SOX13: variants seen among roughly 807,000 people sequenced by gnomAD.
SOX13 encodes the protein transcription factor SOX-13.
In SOX13, 28 loss-of-function variants were observed where a neutral mutation model predicts 71.8. That is an observed-to-expected ratio of 0.39 (90% CI 0.29 to 0.53). SOX13 has a LOEUF of 0.53. Among genes scored for constraint, SOX13 ranks in the 20% least tolerant of loss-of-function variants. SOX13 has a pLI of 0.70. For synonymous variants in SOX13, 309 were observed against 317.8 expected (o/e 0.97, Z 0.29); for missense variants, 627 against 810.3 (o/e 0.77, Z 2.75).
At chr1:204,106,717 CT>C (rs1318926387) in intron 1 of SOX13, among the ~76,000 whole-genome samples, 6 of 152,110 alleles carry the variant, frequency 3.9e-5, no homozygotes, top group African/African-American at 1.4e-4. Context: ...GTTGGTCAAG[CT>C]GGTCTCAAAC....
At chr1:204,079,167 G>A (rs1022831709) in intron 1 of SOX13, among the ~76,000 whole-genome samples, 6 of 151,882 alleles carry the variant, frequency 4.0e-5, no homozygotes, top group Non-Finnish European at 5.9e-5. Context: ...GCGTGGAGGC[G>A]TGTGCCTGTA....
intron 7 of SOX13, among the ~76,000 whole-genome samples, chr1:204,120,118 C>A (rs10900549): frequency 0.89 from 135,048 of 152,228 alleles, 61,306 homozygotes; most frequent in East Asian, 1. Context: ...AGAACTGAGG[C>A]ATGAATTTCT....
chr1:204,115,970 T>C (rs1356989662), intron 4 of SOX13: 1 of 272,210 alleles, frequency 3.7e-6, no homozygotes, highest in African/African-American at 2.2e-5. Context: ...CTGGCCTCTA[T>C]TAGCTCATTT....
rs1005644325 is a variant in SOX13, at chr1:204,073,682, C to G, written c.-31C>G. The G allele has an allele frequency of 6.6e-6, 1 of 152,264 alleles. No homozygotes were observed. The highest frequency in any genetic ancestry group is 1.5e-5 in the Non-Finnish European group (1 of 68,152). The allele number at this position is 152,264 out of a possible 1,614,324, so 9.4% of individuals were successfully genotyped here. ...AGCAGGAGCGCGGAGCCGCGAGCCC[C>G]GAGCCCCGAGCCCGGCGCCTGGCTG... On this transcript the variant is annotated 5_prime_UTR_variant, in exon 1 of 14. Transcript: ENST00000367204. The surrounding 1 kb of genome is among the most constrained non-coding windows in gnomAD (Gnocchi z 6.8).
chr1:204,088,014 C>G (rs17404350), intron 1 of SOX13, among the ~76,000 whole-genome samples: 11,005 of 152,294 alleles, frequency 0.072, 440 homozygotes, highest in Middle Eastern at 0.099. Flanking sequence ...ACACTGGGAT[C>G]TTGCTTTAGA....
chr1:204,099,459 T>A (rs1000243673), intron 1 of SOX13, among the ~76,000 whole-genome samples: 12 of 142,006 alleles, frequency 8.5e-5, no homozygotes, highest in African/African-American at 3.2e-4. Context: ...AGACAGGGTC[T>A]CTGTAGCTCA....
intron 1 of SOX13, among the ~76,000 whole-genome samples, chr1:204,087,337 T>C (rs572512218): frequency 6.6e-6 from 1 of 152,302 alleles, no homozygotes; most frequent in East Asian, 1.9e-4. Flanking sequence ...AGGGGTCAGG[T>C]GCCTGCCTTC....
At position 204,081,980 on chromosome 1, in the gene SOX13, A is replaced by AT. The variant is rs1488695023; in HGVS notation, c.-2+8270dup. 6.6e-6 allele frequency among the ~76,000 whole-genome samples: 1 copy of AT among 151,646 alleles called. No individual in the cohort carries two copies. The highest frequency in any genetic ancestry group is 2.4e-5 in the African/African-American group (1 of 41,282). On this transcript the variant is annotated intron_variant, in intron 1 of 13. Coordinates refer to ENST00000367204, the MANE Select transcript of SOX13 (RefSeq NM_005686.3). This position sits in a 1 kb window ranked among gnomAD's most constrained non-coding sequence, Gnocchi z 4.3. ...GTGGGGTGAGGGCAGTGGGGCTTGA[A>AT]TAGGGCGCTGTCGAAAGCAGAGGGA...
At chr1:204,097,373 TA>T (rs1397028975) in intron 1 of SOX13, among the ~76,000 whole-genome samples, 1 of 152,142 alleles carries the variant, frequency 6.6e-6, no homozygotes, top group Non-Finnish European at 1.5e-5. Context: ...TGTGTACTAT[TA>T]AGTGGGAGAA....
At chr1:204,083,447 T>A (rs1655950862) in intron 1 of SOX13, among the ~76,000 whole-genome samples, 2 of 152,156 alleles carry the variant, frequency 1.3e-5, no homozygotes. Flanking sequence ...CTTCTTTATA[T>A]CCCTGCCTTC....
chr1:204,113,562 C>A (rs1315748510), intron 2 of SOX13, among the ~76,000 whole-genome samples: 1 of 152,094 alleles, frequency 6.6e-6, no homozygotes, highest in Non-Finnish European at 1.5e-5. Context: ...CTTAAAAAAA[C>A]AAGAGAATTG....
At chr1:204,124,994 A>T (rs994669420) in intron 13 of SOX13, 137 bp downstream of exon 13, 2 of 674,648 alleles carry the variant, frequency 3.0e-6, no homozygotes, top group African/African-American at 1.8e-5. Flanking sequence ...TGTGTGTGTT[A>T]TCTGTGTATA....
chr1:204,116,781 G>T (rs1315161313), intron 5 of SOX13, 102 bp downstream of exon 5: 17 of 1,537,926 alleles, frequency 1.1e-5, no homozygotes, highest in Non-Finnish European at 1.2e-5. Flanking sequence ...TGCAAGCTGG[G>T]GCCTGGGGGC....
At position 204,123,767 on chromosome 1, in the gene SOX13, C is replaced by T. The variant is rs1341673402; in HGVS notation, c.1338C>T (p.Phe446=). 1 of 1,614,198 alleles carries T rather than the reference C, an allele frequency of 6.2e-7. No individual in the cohort carries two copies. Among genetic ancestry groups the T allele is most frequent in the South Asian group, 1.1e-5 (1 of 91,082 alleles). The change falls in exon 12 of 14, where the codon TTC becomes TTT. Residue 446 remains phenylalanine (F), a synonymous_variant. Coordinates refer to ENST00000367204, the MANE Select transcript of SOX13 (RefSeq NM_005686.3). The surrounding 1 kb of genome is among the most constrained non-coding windows in gnomAD (Gnocchi z 5.0). ...KDERRKILQA[F]PDMHNSSISK... is the part of the protein sequence containing the mutation. ...AGCGGAGGAAGATCCTGCAAGCCTT[C>T]CCAGACATGCACAACTCCAGCATCA...
intron 1 of SOX13, among the ~76,000 whole-genome samples, chr1:204,112,560 G>T (rs1390359389): frequency 6.7e-6 from 1 of 149,754 alleles, no homozygotes; most frequent in Non-Finnish European, 1.5e-5. Context: ...CTCCAACTCT[G>T]TTGGGCTCAG....
rs201977199 is a variant in SOX13 at position 204,123,643 on chromosome 1, T to G, written c.1232-18T>G. ...ACCCCAGACAGGCTGCTTGGCTGAC[T>G]TCACTCCTGTCTCCCAGGCTCCCGC... On this transcript the variant is annotated intron_variant, in intron 11 of 13. Coordinates refer to ENST00000367204, the MANE Select transcript of SOX13 (RefSeq NM_005686.3). This position sits in a 1 kb window ranked among gnomAD's most constrained non-coding sequence, Gnocchi z 5.0. 6.2e-6 allele frequency: 10 copies of G among 1,610,910 alleles called. No individual in the cohort carries two copies. Among genetic ancestry groups the G allele is most frequent in the Non-Finnish European group, 8.5e-6 (10 of 1,178,708 alleles).
chr1:204,117,130 G>T lies in SOX13; in HGVS notation c.600G>T (p.Lys200Asn). The T allele has an allele frequency of 6.2e-7, 1 of 1,611,716 alleles. No homozygotes were observed. Among genetic ancestry groups the T allele is most frequent in the Non-Finnish European group, 8.5e-7 (1 of 1,177,914 alleles). ...LARQQQEQIA[K>N]QQQQLIQQQH... ...CTCTTTCCCTCTCCCAGATTGCAAAGCAGCAGCAGCAGCTGATTCAGCAGC... is the reference window on the plus strand; with the variant it reads ...CTCTTTCCCTCTCCCAGATTGCAAATCAGCAGCAGCAGCTGATTCAGCAGC... Residue 200 changes from lysine (K) to asparagine (N), a missense_variant, in exon 6 of 14, where the codon AAG becomes AAT. Transcript: ENST00000367204.
chr1:204,092,998 A>C (rs1357263400), intron 1 of SOX13, among the ~76,000 whole-genome samples: 1 of 152,154 alleles, frequency 6.6e-6, no homozygotes, highest in African/African-American at 2.4e-5. Flanking sequence ...AGTGCGTGGG[A>C]ATCTTATCCA....
intron 1 of SOX13, among the ~76,000 whole-genome samples, chr1:204,079,204 A>C (rs1488324139): frequency 6.6e-6 from 1 of 151,990 alleles, no homozygotes; most frequent in East Asian, 2.0e-4. Flanking sequence ...AGGTTGAGGC[A>C]GGAGAATGGC....
Sources: gnomAD v4.1 joint callset for allele counts (sites outside exome capture counted in the v4.1 genomes callset) on GRCh38, gnomAD v4.1.1 for gene constraint, Gnocchi (gnomAD v3.1) non-coding constraint, MANE v1.5 for transcripts, NCBI Gene and HGNC (gene_info 2026-07-23, HGNC 2026-07-21) for gene names.